The following ACAP2 variants were observed in gnomAD, a reference collection of about 807,000 sequenced individuals.
ACAP2 encodes the protein ArfGAP with coiled-coil, ankyrin repeat and PH domains 2.
ACAP2 carries 39 observed loss-of-function variants against 115.8 expected under a neutral mutation model. The ratio of observed to expected loss-of-function variants is 0.34; its 90% confidence interval spans 0.26 to 0.44. The LOEUF (loss-of-function observed/expected upper bound fraction) is 0.44, where lower values mean the gene tolerates loss of function less well. Ranked by LOEUF, ACAP2 falls within the 20% of genes least tolerant of loss-of-function variation. ACAP2 has a pLI of 1.00. For synonymous variants in ACAP2, 289 were observed against 315.8 expected (o/e 0.92, Z 0.90); for missense variants, 662 against 927.6 (o/e 0.71, Z 3.72).
chr3:195,344,742 C>T (rs895479393), intron 5 of ACAP2, among the ~76,000 whole-genome samples: 22 of 152,090 alleles, frequency 1.4e-4, no homozygotes, highest in Non-Finnish European at 7.4e-5. Flanking sequence ...CTGGTCTCGC[C>T]GCCTGACCTC....
intron 1 of ACAP2, among the ~76,000 whole-genome samples, chr3:195,409,005 C>G (rs1577433075): frequency 2.0e-5 from 3 of 151,818 alleles, no homozygotes; most frequent in African/African-American, 7.3e-5. Flanking sequence ...CTACTGAAAG[C>G]TTCCCTGTAG....
In ACAP2 at chr3:195,301,616, G is replaced by GCCT; in HGVS notation, c.1353_1354insAGG (p.Arg452dup). 1 of 1,613,242 alleles carries GCCT rather than the reference G, an allele frequency of 6.2e-7. No individual in the cohort carries two copies. The highest frequency in any genetic ancestry group is 1.1e-5 in the South Asian group (1 of 90,752). Reference sequence around the variant, plus strand: ...TCCCAGGTGTCTAAAGTTAAAGATCGTACTTTTGAAAAATGAACCCCAAGG... The same window carrying GCCT: ...TCCCAGGTGTCTAAAGTTAAAGATCGCCTTACTTTTGAAAAATGAACCCCAAGG... On this transcript the variant is annotated inframe_insertion, in exon 15 of 23. Transcript: ENST00000326793.
intron 1 of ACAP2, among the ~76,000 whole-genome samples, chr3:195,433,402 T>C (rs1715290297): frequency 6.6e-6 from 1 of 152,228 alleles, no homozygotes; most frequent in African/African-American, 2.4e-5. Context: ...TATCTAAAAA[T>C]ATAGTTTTAC....
intron 15 of ACAP2, 55 bp from the exon 16 acceptor site, chr3:195,297,336 A>G: frequency 7.4e-6 from 11 of 1,483,792 alleles, no homozygotes; most frequent in Non-Finnish European, 1.0e-5. Flanking sequence ...CCTTAAAATA[A>G]GCTAAAATTT....
Position 195,281,298 on chromosome 3 carries a change from G to A in ACAP2, c.2237-1870C>T, listed in dbSNP as rs562036273. ...TGGGCGCCTGTAGTCCCAGCTACTC[G>A]GGAGGCCAAGGCATGAGAATGGTGT... is the stretch of plus-strand genomic sequence containing the variant. On this transcript the variant is annotated intron_variant, in intron 22 of 22. Transcript: ENST00000326793. 1.1e-4 allele frequency among the ~76,000 whole-genome samples: 16 copies of A among 152,096 alleles called. 1 individual carries two copies. The highest frequency in any genetic ancestry group is 6.3e-4 in the South Asian group (3 of 4,796).
At chr3:195,352,905 A>AC (rs36004899) in intron 4 of ACAP2, among the ~76,000 whole-genome samples, 140 of 152,074 alleles carry the variant, frequency 9.2e-4, no homozygotes, top group African/African-American at 3.3e-3. Context: ...ACATGGTGAA[A>AC]CCCCAACTCT....
chr3:195,298,084 A>C (rs950303451), intron 15 of ACAP2, among the ~76,000 whole-genome samples: 1 of 152,200 alleles, frequency 6.6e-6, no homozygotes, highest in African/African-American at 2.4e-5. Context: ...TAACATTACC[A>C]CTATGTAGAG....
chr3:195,289,225 T>A lies in ACAP2; in HGVS notation c.2070A>T (p.Val690=). 6.2e-7 allele frequency: 1 copy of A among 1,608,508 alleles called. No individual in the cohort carries two copies. Among genetic ancestry groups the A allele is most frequent in the East Asian group, 2.2e-5 (1 of 44,772 alleles). Residue 690 remains valine (V), a synonymous_variant, in exon 21 of 23, where the codon GTA becomes GTT. Coordinates refer to ENST00000326793, the MANE Select transcript of ACAP2 (RefSeq NM_012287.6). The part of the protein sequence containing the change: ...HATVLGHTGQ[V]CLFLKRGANQ... ...TGGCACCTCGTTTTAGGAATAAACA[T>A]ACCTGCCTGTTTAAGAACACAGCAT...
intron 4 of ACAP2, among the ~76,000 whole-genome samples, chr3:195,354,748 C>T (rs1252118868): frequency 1.3e-5 from 2 of 152,180 alleles, no homozygotes; most frequent in Non-Finnish European, 2.9e-5. Flanking sequence ...TTGGCCCATA[C>T]ATATATCCTG....
intron 20 of ACAP2, among the ~76,000 whole-genome samples, chr3:195,289,803 C>A (rs1005908096): frequency 4.0e-3 from 443 of 111,792 alleles, no homozygotes; most frequent in African/African-American, 5.5e-3. Flanking sequence ...GACTCCGTCT[C>A]AAAAAAAAAA....
rs1345024644 is a variant in ACAP2, at chr3:195,342,688, A to G, written c.345-34T>C. ...AGAAAAACTTAGTGAAACTTTTATA[A>G]CTTGCTTCATTAAAAAACTTTAGCA... On this transcript the variant is annotated intron_variant, in intron 5 of 22. Coordinates refer to ENST00000326793, the MANE Select transcript of ACAP2 (RefSeq NM_012287.6). The G allele has an allele frequency of 1.9e-6, 3 of 1,546,592 alleles. No individual in the cohort carries two copies. In the African/African-American group the frequency reaches 4.2e-5, roughly 21 times the overall value.
rs779057378 is a variant in ACAP2 at position 195,277,707 on chromosome 3, A to T, written c.*1621T>A. 2 of 152,232 alleles carry T rather than the reference A, an allele frequency of 1.3e-5. No individual in the cohort carries two copies. Among genetic ancestry groups the T allele is most frequent in the African/African-American group, 2.4e-5 (1 of 41,460 alleles). 9.4% of individuals were successfully genotyped at this position (152,232 alleles called of 1,614,324 possible). ...ATATATTTTAAAACCTCTTATTTAG[A>T]AAGAGTATCAATAATATCATTTACA... On this transcript the variant is annotated 3_prime_UTR_variant, in exon 23 of 23. Transcript: ENST00000326793.
At chr3:195,315,021 A>G (rs1439584447) in intron 10 of ACAP2, among the ~76,000 whole-genome samples, 1 of 152,140 alleles carries the variant, frequency 6.6e-6, no homozygotes, top group African/African-American at 2.4e-5. Flanking sequence ...TTGGACTTTC[A>G]CTGATTGGCT....
chr3:195,422,811 T>C (rs1714293789), intron 1 of ACAP2, among the ~76,000 whole-genome samples: 1 of 152,216 alleles, frequency 6.6e-6, no homozygotes, highest in Non-Finnish European at 1.5e-5. Flanking sequence ...ATATCTTGCA[T>C]GATTTGGCCC....
chr3:195,361,079 T>C (rs183995820), intron 4 of ACAP2, among the ~76,000 whole-genome samples: 66 of 150,884 alleles, frequency 4.4e-4, no homozygotes, highest in Admixed American at 4.3e-3. Context: ...TTGGAAACTA[T>C]ATAAACACAT....
intron 11 of ACAP2, among the ~76,000 whole-genome samples, chr3:195,308,454 T>C (rs1728556495): frequency 6.6e-6 from 1 of 152,172 alleles, no homozygotes; most frequent in Non-Finnish European, 1.5e-5. Context: ...ACACGTTGTA[T>C]ACAAGTATCA....
In ACAP2 at chr3:195,292,379, C is replaced by T. The variant is rs774655132; in HGVS notation, c.1839G>A (p.Ala613=). Residue 613 remains alanine (A), a synonymous_variant, in exon 19 of 23, where the codon GCG becomes GCA. Coordinates refer to ENST00000326793, the MANE Select transcript of ACAP2 (RefSeq NM_012287.6). ...TTTTAGGAAGGTTTTTTTCATATGA[C>T]GCCCTATAAAGCTGAAGTCCTGGAT... ...HLNPGLQLYR[A]SYEKNLPKMA... The T allele has an allele frequency of 1.6e-5, 26 of 1,613,456 alleles. No individual in the cohort carries two copies. Among genetic ancestry groups the T allele is most frequent in the East Asian group, 4.5e-5 (2 of 44,864 alleles).
chr3:195,392,162 T>C lies in ACAP2; in HGVS notation c.54-15A>G, dbSNP rs1388634191. The C allele has an allele frequency of 6.2e-7, 1 of 1,600,356 alleles. No homozygotes were observed. The highest frequency in any genetic ancestry group is 1.7e-5 in the Admixed American group (1 of 59,470). ...CCAAAGCTGCCCTAGAAAAATTAAATATAAAATAAGTTATTTCGTTTGTTT... is the reference window on the plus strand; with the variant it reads ...CCAAAGCTGCCCTAGAAAAATTAAACATAAAATAAGTTATTTCGTTTGTTT... On this transcript the variant is annotated splice_polypyrimidine_tract_variant and intron_variant, in intron 1 of 22. Coordinates refer to ENST00000326793, the MANE Select transcript of ACAP2 (RefSeq NM_012287.6).
chr3:195,402,983 C>G (rs1260887627), intron 1 of ACAP2, among the ~76,000 whole-genome samples: 1 of 152,034 alleles, frequency 6.6e-6, no homozygotes, highest in East Asian at 1.9e-4. Flanking sequence ...TAAACATCAT[C>G]AATAAGTCAA....
Sources: allele counts gnomAD v4.1 joint callset (sites outside exome capture counted in the v4.1 genomes callset), GRCh38; gene constraint gnomAD v4.1.1; transcripts MANE v1.5; gene names NCBI Gene and HGNC (gene_info 2026-07-23, HGNC 2026-07-21).